UNC13B: variants seen among roughly 807,000 people sequenced by gnomAD.
The protein encoded by UNC13B is unc-13 homolog B.
A neutral mutation model predicts 211.0 loss-of-function variants in UNC13B; 144 were observed. That is an observed-to-expected ratio of 0.68 (90% confidence interval 0.60 to 0.78). UNC13B has a LOEUF of 0.78. UNC13B is among the 30% of genes least tolerant of loss of function. The probability of loss-of-function intolerance (pLI) is 0.00; values close to 1 mark genes in which losing one functional copy is unlikely to be tolerated. For missense variants in UNC13B, 1,777 were observed against 2,002.0 expected (o/e 0.89, Z 2.14); for synonymous variants, 709 against 725.8 (o/e 0.98, Z 0.37).
chr9:35,400,392 C>A lies in UNC13B; in HGVS notation c.12433C>A (p.Gln4145Lys). Residue 4145 changes from glutamine (Q) to lysine (K), a missense_variant, in exon 37 of 40, where the codon CAG (glutamine) becomes AAG (lysine). Transcript: ENST00000635942. ...ACGCTATGCCCTGTCTCTGTACACA[C>A]AGACTACTGACACTCTCATCAAGAC... Reference protein sequence around the residue: ...SLRYALSLYTQTTDTLIKTFV... With the variant: ...SLRYALSLYTKTTDTLIKTFV... 6.2e-7 allele frequency: 1 copy of A among 1,614,164 alleles called. No homozygotes were observed. The highest frequency in any genetic ancestry group is 8.5e-7 in the Non-Finnish European group (1 of 1,180,006).
intron 7 of UNC13B, among the ~76,000 whole-genome samples, chr9:35,263,627 A>C (rs905124832): frequency 6.6e-6 from 1 of 152,184 alleles, no homozygotes; most frequent in Non-Finnish European, 1.5e-5. Flanking sequence ...ATATATATAC[A>C]TAAGCAATTT....
At chr9:35,227,890 T>C (rs1279582585) in intron 1 of UNC13B, 125 bp from the exon 2 acceptor site, 3 of 711,936 alleles carry the variant, frequency 4.2e-6, no homozygotes, top group African/African-American at 1.9e-5. Flanking sequence ...CAGCTTTTTT[T>C]CTCCAGGTTT....
chr9:35,303,719 G>A lies in UNC13B; in HGVS notation c.4315G>A (p.Asp1439Asn). 2.5e-6 allele frequency: 1 copy of A among 398,598 alleles called. No homozygotes were observed. The highest frequency in any genetic ancestry group is 4.4e-6 in the Non-Finnish European group (1 of 225,788). The allele number at this position is 398,598 out of a possible 1,614,324, so 24.7% of individuals were successfully genotyped here. ...ESFNQLAFNE[D>N]YLLRGDVWAA... is the part of the protein sequence containing the mutation. ...ATTCAATCAGTTAGCATTTAATGAA[G>A]ATTACTTATTAAGAGGTGATGTGTG... The change falls in exon 9 of 40, where the codon GAT becomes AAT. Residue 1439 changes from aspartate to asparagine, a missense_variant. Physicochemically the swap from Asp to Asn is conservative, Grantham distance 23. Transcript: ENST00000635942.
At chr9:35,293,597 G>T (rs905769778) in intron 7 of UNC13B, among the ~76,000 whole-genome samples, 1 of 152,162 alleles carries the variant, frequency 6.6e-6, no homozygotes, top group Non-Finnish European at 1.5e-5. Context: ...TGTGGGTTCA[G>T]AAAGAATTAA....
chr9:35,205,631 G>T (rs202224902), intron 1 of UNC13B, among the ~76,000 whole-genome samples: 1 of 152,198 alleles, frequency 6.6e-6, no homozygotes, highest in Non-Finnish European at 1.5e-5. Flanking sequence ...GACATTTTAT[G>T]TGAATGGAAT....
At chr9:35,342,747 T>C (rs1195729130) in intron 11 of UNC13B, among the ~76,000 whole-genome samples, 1 of 152,244 alleles carries the variant, frequency 6.6e-6, no homozygotes, top group African/African-American at 2.4e-5. Context: ...AGCTTGCATA[T>C]ATGAATATGC....
At chr9:35,205,670 T>A (rs1399561294) in intron 1 of UNC13B, among the ~76,000 whole-genome samples, 1 of 152,266 alleles carries the variant, frequency 6.6e-6, no homozygotes, top group African/African-American at 2.4e-5. Flanking sequence ...TTGTAGCTGC[T>A]TTCTTTCACT....
intron 11 of UNC13B, among the ~76,000 whole-genome samples, chr9:35,345,559 G>A (rs1832301671): frequency 6.6e-6 from 1 of 152,162 alleles, no homozygotes; most frequent in African/African-American, 2.4e-5. Flanking sequence ...AAATGACCTG[G>A]CTGGATTCTT....
At chr9:35,172,549 G>A (rs1364474935) in intron 1 of UNC13B, among the ~76,000 whole-genome samples, 1 of 152,106 alleles carries the variant, frequency 6.6e-6, no homozygotes, top group South Asian at 2.1e-4. Context: ...TGCATTTCCT[G>A]TTTTGTTGCA....
intron 11 of UNC13B, among the ~76,000 whole-genome samples, chr9:35,323,644 G>T (rs1830855849): frequency 6.6e-6 from 1 of 152,134 alleles, no homozygotes; most frequent in African/African-American, 2.4e-5. Context: ...TGATATCTGA[G>T]ACCAGAACCA....
At chr9:35,297,561 T>TTTTTTTTTTTTTTGTTTTTTG in intron 8 of UNC13B, among the ~76,000 whole-genome samples, 1,516 of 127,650 alleles carry the variant, frequency 0.012, 25 homozygotes, top group Non-Finnish European at 0.021. Flanking sequence ...TTTTTTTTTT[T>TTTTTTTTTTTTTTGTTTTTTG]TTTTTTGAGA....
chr9:35,377,757 GA>G, intron 16 of UNC13B, 62 bp downstream of exon 16: 1 of 1,530,390 alleles, frequency 6.5e-7, no homozygotes, highest in Non-Finnish European at 8.9e-7. Flanking sequence ...GACTGGGGAA[GA>G]AACATCCTGA....
intron 7 of UNC13B, among the ~76,000 whole-genome samples, chr9:35,282,962 A>G (rs951687613): frequency 6.6e-6 from 1 of 152,150 alleles, no homozygotes; most frequent in Non-Finnish European, 1.5e-5. Flanking sequence ...TTGAAGATTG[A>G]TGATATTGAT....
intron 1 of UNC13B, among the ~76,000 whole-genome samples, chr9:35,214,533 GAA>G (rs1824151623): frequency 6.6e-6 from 1 of 152,074 alleles, no homozygotes; most frequent in Non-Finnish European, 1.5e-5. Flanking sequence ...TTAAACAAGT[GAA>G]GAGTATTATT....
chr9:35,217,396 G>GTTTTTTTTT (rs1232346601), intron 1 of UNC13B, among the ~76,000 whole-genome samples: 2 of 139,322 alleles, frequency 1.4e-5, no homozygotes. Flanking sequence ...TGTTTTTTTT[G>GTTTTTTTTT]TTTTTTTTTT....
intron 1 of UNC13B, among the ~76,000 whole-genome samples, chr9:35,205,926 G>A (rs1587370640): frequency 6.6e-6 from 1 of 152,236 alleles, no homozygotes; most frequent in Non-Finnish European, 1.5e-5. Flanking sequence ...GCTCATGCTT[G>A]TAATCTCAGT....
intron 20 of UNC13B, 36 bp from the exon 21 acceptor site, chr9:35,382,320 GA>G: frequency 6.3e-7 from 1 of 1,590,406 alleles, no homozygotes; most frequent in African/African-American, 1.4e-5. Flanking sequence ...TGCAAGCCCT[GA>G]AGAGTCTTTG....
At chr9:35,225,979 A>G (rs142326047) in intron 1 of UNC13B, among the ~76,000 whole-genome samples, 151 of 152,194 alleles carry the variant, frequency 9.9e-4, no homozygotes, top group Admixed American at 1.4e-3. Flanking sequence ...AGCAGGCTTG[A>G]TAAGCTAGTC....
chr9:35,404,282 T>A lies in UNC13B; in HGVS notation c.*249T>A. The A allele has an allele frequency of 1.8e-6, 1 of 544,942 alleles. No homozygotes were observed. The allele number at this position is 544,942 out of a possible 1,614,324, so 33.8% of individuals were successfully genotyped here. A position where few individuals can be genotyped will look rare whatever the true frequency, so the allele number is the denominator to read the frequency against. On this transcript the variant is annotated 3_prime_UTR_variant, in exon 40 of 40. Transcript: ENST00000635942. The stretch of plus-strand genomic sequence containing the variant: ...GTTACCACATGGAGAGATTTTCCAT[T>A]AAGAGAGAAGGACAAACATTTCTGA...
Sources: gnomAD v4.1 joint callset for allele counts (sites outside exome capture counted in the v4.1 genomes callset) on GRCh38, gnomAD v4.1.1 for gene constraint, MANE v1.5 for transcripts, NCBI Gene and HGNC (gene_info 2026-07-23, HGNC 2026-07-21) for gene names.